Variants in UGT1A8 observed in about 807,000 individuals in gnomAD.
UGT1A8 encodes the protein UDP glucuronosyltransferase family 1 member A8.
In UGT1A8, 39 loss-of-function variants were observed where a neutral mutation model predicts 45.3. The ratio of observed to expected loss-of-function variants is 0.86; its 90% CI spans 0.67 to 1.12. The LOEUF (loss-of-function observed/expected upper bound fraction) is 1.12, where lower values mean the gene tolerates loss of function less well. Ranked by LOEUF, UGT1A8 falls within the 50% of genes most tolerant of loss-of-function variation. The pLI is 0.00. For missense variants in UGT1A8, 719 were observed against 664.9 expected (o/e 1.08, Z -0.90); for synonymous variants, 275 against 249.2 (o/e 1.10, Z -0.97).
At chr2:233,697,074 A>G (rs568484645) in intron 1 of UGT1A8, among the ~76,000 whole-genome samples, 24 of 152,104 alleles carry the variant, frequency 1.6e-4, no homozygotes, top group African/African-American at 5.8e-4. Flanking sequence ...TTTTGGTATC[A>G]GGGTAACACT....
intron 1 of UGT1A8, among the ~76,000 whole-genome samples, chr2:233,710,586 G>A (rs947455751): frequency 4.6e-5 from 7 of 152,000 alleles, no homozygotes; most frequent in African/African-American, 1.2e-4. Flanking sequence ...AAAATCTTCC[G>A]CACACCTTTA....
chr2:233,768,575 AT>A (rs1699646969), intron 4 of UGT1A8, 136 bp downstream of exon 4: 6 of 1,110,618 alleles, frequency 5.4e-6, no homozygotes, highest in Non-Finnish European at 7.1e-6. Flanking sequence ...CTGGATTTTT[AT>A]TTCTTCTTTT....
intron 1 of UGT1A8, among the ~76,000 whole-genome samples, chr2:233,627,624 T>TCTTCCTTCCTTCCTTCCTTCCTTCCTTC (rs4047191): frequency 1.8e-5 from 2 of 111,934 alleles, no homozygotes; most frequent in Non-Finnish European, 3.8e-5. Flanking sequence ...TTCCTTCCTT[T>TCTTCCTTCCTTCCTTCCTTCCTTCCTTC]CTTCCTTCCT....
chr2:233,680,149 G>C (rs1329361985), intron 1 of UGT1A8, among the ~76,000 whole-genome samples: 1 of 151,918 alleles, frequency 6.6e-6, no homozygotes. Flanking sequence ...AAGTTTTTTT[G>C]GTAATGTCAT....
chr2:233,754,901 C>T (rs996500791), intron 1 of UGT1A8: 1 of 1,352,340 alleles, frequency 7.4e-7, no homozygotes, highest in Non-Finnish European at 9.9e-7. Flanking sequence ...TCTGACCCCC[C>T]AAAATATTCT....
At chr2:233,623,704 T>C (rs933687173) in intron 1 of UGT1A8, among the ~76,000 whole-genome samples, 1 of 152,118 alleles carries the variant, frequency 6.6e-6, no homozygotes, top group African/African-American at 2.4e-5. Context: ...TGTAGATCAA[T>C]GGAATAGAAT....
intron 1 of UGT1A8, among the ~76,000 whole-genome samples, chr2:233,677,270 T>A (rs909595005): frequency 2.0e-5 from 3 of 152,220 alleles, no homozygotes; most frequent in Non-Finnish European, 2.9e-5. Flanking sequence ...AAGTATATCA[T>A]GTTTTTGATG....
intron 1 of UGT1A8, among the ~76,000 whole-genome samples, chr2:233,734,252 G>A (rs1251645812): frequency 6.6e-6 from 1 of 152,080 alleles, no homozygotes; most frequent in Non-Finnish European, 1.5e-5. Flanking sequence ...TTTAGTCTTG[G>A]GAGGGTGTAT....
intron 1 of UGT1A8, among the ~76,000 whole-genome samples, chr2:233,757,579 A>G (rs962970301): frequency 1.1e-5 from 1 of 92,092 alleles, no homozygotes; most frequent in Non-Finnish European, 2.2e-5. Flanking sequence ...TGATATAGCT[A>G]TAGTCTAATA....
At chr2:233,632,622 G>A (rs2073211340) in intron 1 of UGT1A8, among the ~76,000 whole-genome samples, 1 of 151,738 alleles carries the variant, frequency 6.6e-6, no homozygotes, top group Admixed American at 6.6e-5. Context: ...TTACAATTTG[G>A]CTCTCTGTTT....
chr2:233,634,535 T>C (rs1436019526), intron 1 of UGT1A8, among the ~76,000 whole-genome samples: 1 of 152,238 alleles, frequency 6.6e-6, no homozygotes, highest in Non-Finnish European at 1.5e-5. Flanking sequence ...TCTTGTTACA[T>C]TGATCCCTTT....
At chr2:233,743,198 T>G (rs1692227128) in intron 1 of UGT1A8, 1 of 382,180 alleles carries the variant, frequency 2.6e-6, no homozygotes, top group African/African-American at 2.1e-5. Flanking sequence ...TTACTTGGTG[T>G]CAATGCGGAG....
Position 233,729,591 on chromosome 2 carries a change from C to T in UGT1A8, c.856-37443C>T, listed in dbSNP as rs142676251. Reference sequence around the variant, plus strand: ...ATGTGGTTTTAACAGACCCCGTTAACCTCTGCGCGGCAGTGCTGGCTAAGT... The same window carrying T: ...ATGTGGTTTTAACAGACCCCGTTAATCTCTGCGCGGCAGTGCTGGCTAAGT... On this transcript the variant is annotated intron_variant, in intron 1 of 4. Coordinates refer to ENST00000373450, the MANE Select transcript of UGT1A8 (RefSeq NM_019076.5). 633 of 1,613,962 alleles carry T rather than the reference C, an allele frequency of 3.9e-4. 1 individual carries two copies. Among genetic ancestry groups the T allele is most frequent in the Non-Finnish European group, 5.0e-4 (593 of 1,179,978 alleles).
At chr2:233,691,426 G>A in intron 1 of UGT1A8, 1 of 985,576 alleles carries the variant, frequency 1.0e-6, no homozygotes, top group South Asian at 4.7e-5. Flanking sequence ...CTCTAATCAT[G>A]TTGCTCAGGC....
Position 233,617,830 on chromosome 2 carries a change from G to A in UGT1A8, c.123G>A (p.Met41Ile). 1 of 1,614,136 alleles carries A rather than the reference G, an allele frequency of 6.2e-7. No individual in the cohort carries two copies. Among genetic ancestry groups the A allele is most frequent in the Non-Finnish European group, 8.5e-7 (1 of 1,180,022 alleles). ...VPMDGSHWFT[M>I]QSVVEKLILR... Reference sequence around the variant, plus strand: ...TGGATGGGAGTCACTGGTTCACCATGCAGTCGGTGGTGGAGAAACTTATCC... The same window carrying A: ...TGGATGGGAGTCACTGGTTCACCATACAGTCGGTGGTGGAGAAACTTATCC... The change falls in exon 1 of 5, where the codon ATG (methionine) becomes ATA (isoleucine). Residue 41 changes from methionine to isoleucine, a missense_variant. By Grantham distance (10) the Met-to-Ile change is conservative. Transcript: ENST00000373450.
intron 1 of UGT1A8, among the ~76,000 whole-genome samples, chr2:233,757,354 A>G (rs1200250892): frequency 1.3e-5 from 2 of 150,876 alleles, no homozygotes; most frequent in Non-Finnish European, 2.9e-5. Flanking sequence ...GGTCTGAGAG[A>G]CAGTGGTAGA....
chr2:233,711,563 G>C (rs2076187207), intron 1 of UGT1A8, among the ~76,000 whole-genome samples: 1 of 152,208 alleles, frequency 6.6e-6, no homozygotes, highest in Admixed American at 6.5e-5. Context: ...AGTTCCCAAA[G>C]CCCTTGCAGG....
intron 1 of UGT1A8, chr2:233,719,745 G>A: frequency 6.2e-7 from 1 of 1,612,936 alleles, no homozygotes; most frequent in Non-Finnish European, 8.5e-7. Flanking sequence ...TTTAAAAAAT[G>A]TATTTACTTA....
Position 233,672,311 on chromosome 2 carries a change from G to A in UGT1A8, c.855+53749G>A, listed in dbSNP as rs771133334. On this transcript the variant is annotated intron_variant, in intron 1 of 4. Coordinates refer to ENST00000373450, the MANE Select transcript of UGT1A8 (RefSeq NM_019076.5). ...GACTTATTTTTTTCAAATTGCAGGA[G>A]TTTGTTTAAAGACAAAAAATTAGTA... The A allele has an allele frequency of 1.4e-5, 22 of 1,613,930 alleles. No individual in the cohort carries two copies. The African/African-American group carries it at 2.4e-4, about 18-fold the overall frequency.
Sources: allele counts gnomAD v4.1 joint callset (sites outside exome capture counted in the v4.1 genomes callset), GRCh38; gene constraint gnomAD v4.1.1; transcripts MANE v1.5; gene names NCBI Gene and HGNC (gene_info 2026-07-23, HGNC 2026-07-21).